The following CRHR2 variants were observed in gnomAD, a reference collection of about 807,000 sequenced individuals.
CRHR2 encodes the protein corticotropin releasing hormone receptor 2, also known as corticotropin-releasing hormone receptor 2.
CRHR2 carries 53 observed loss-of-function variants against 57.9 expected under a neutral mutation model. The observed-to-expected ratio is 0.92, with a 90% CI of 0.73 to 1.15. The LOEUF is 1.15. Ranked by LOEUF, CRHR2 falls within the 50% of genes most tolerant of loss-of-function variation. The pLI is 0.00. For synonymous variants in CRHR2, 213 were observed against 220.9 expected, an observed-to-expected ratio of 0.96 and a Z score of 0.32; for missense variants, 532 against 542.6, an observed-to-expected ratio of 0.98 and a Z score of 0.19.
At chr7:30,683,721 G>A (rs1343581221), upstream of CRHR2, among the ~76,000 whole-genome samples, 7 of 152,186 alleles carry the variant, frequency 4.6e-5, no homozygotes, top group Admixed American at 2.6e-4. Flanking sequence ...GTTATGAGAC[G>A]GAGAGTCTGG....
intron 1 of CRHR2, among the ~76,000 whole-genome samples, chr7:30,696,447 C>T (rs887684370): frequency 1.8e-4 from 27 of 152,200 alleles, no homozygotes; most frequent in Admixed American, 1.7e-3. Flanking sequence ...TAAGGCCAGG[C>T]GCGGTGGTTC....
rs180979991 is a variant in CRHR2 at position 30,656,240 on chromosome 7, T to C, written c.832-228A>G. Among the ~76,000 whole-genome samples the C allele has an allele frequency of 1.3e-5, 2 of 152,158 alleles. No individual in the cohort carries two copies. The highest frequency in any genetic ancestry group is 3.9e-4 in the East Asian group (2 of 5,138). On this transcript the variant is annotated intron_variant, in intron 8 of 11. Coordinates refer to ENST00000471646, the MANE Select transcript of CRHR2 (RefSeq NM_001883.5). This position sits in a 1 kb window ranked among gnomAD's most constrained non-coding sequence, Gnocchi z 4.4. ...AGGGCCTGTGTCTCCAGCCCAGGAC[T>C]GAGGAGGAAAGGTGGCAGCCTCTGT...
At chr7:30,673,856 C>T (rs1027760348) in intron 2 of CRHR2, among the ~76,000 whole-genome samples, 3 of 152,172 alleles carry the variant, frequency 2.0e-5, no homozygotes, top group Non-Finnish European at 4.4e-5. Flanking sequence ...TGGTGATGTT[C>T]ACCCAAGCTC....
chr7:30,659,291 C>G (rs930209191), intron 8 of CRHR2, among the ~76,000 whole-genome samples: 1 of 152,160 alleles, frequency 6.6e-6, no homozygotes, highest in Non-Finnish European at 1.5e-5. Flanking sequence ...CTCTTGCGTT[C>G]CTCGCCTCCC....
chr7:30,679,668 A>G (rs1784633224), intron 2 of CRHR2, among the ~76,000 whole-genome samples: 1 of 152,192 alleles, frequency 6.6e-6, no homozygotes, highest in African/African-American at 2.4e-5. Flanking sequence ...CTATAGCATA[A>G]CAAAATTGGG....
At chr7:30,699,837 G>A (rs1011901392) in intron 1 of CRHR2, 1 of 792,356 alleles carries the variant, frequency 1.3e-6, no homozygotes, top group Admixed American at 3.7e-5. Context: ...AAGGATCCCC[G>A]ATCCAGCCCA....
chr7:30,665,449 A>G lies in CRHR2; in HGVS notation c.425+81T>C. ...TTTTATCTGCTGGGCCCCAGAATGG[A>G]GGTGAGAATGTCTGGGAGAGGTGAA... On this transcript the variant is annotated intron_variant, in intron 4 of 11. Coordinates refer to ENST00000471646, the MANE Select transcript of CRHR2 (RefSeq NM_001883.5). This position sits in a 1 kb window ranked among gnomAD's most constrained non-coding sequence, Gnocchi z 4.5. 2.5e-6 allele frequency: 3 copies of G among 1,222,866 alleles called. No individual in the cohort carries two copies. The highest frequency in any genetic ancestry group is 3.5e-6 in the Non-Finnish European group (3 of 857,350). 75.8% of individuals were successfully genotyped at this position (1,222,866 alleles called of 1,614,324 possible).
At chr7:30,659,678 T>C (rs1443288443) in intron 8 of CRHR2, among the ~76,000 whole-genome samples, 1 of 152,118 alleles carries the variant, frequency 6.6e-6, no homozygotes, top group Non-Finnish European at 1.5e-5. Flanking sequence ...GGAGGTCAAA[T>C]GAAACCCGAA....
Position 30,682,228 on chromosome 7 carries a change from A to G in CRHR2, c.53T>C (p.Leu18Pro). 6.3e-7 allele frequency: 1 copy of G among 1,590,692 alleles called. No individual in the cohort carries two copies. Among genetic ancestry groups the G allele is most frequent in the South Asian group, 1.1e-5 (1 of 88,758 alleles). ...SLLEANCSLA[L>P]AEELLLDGWG... ...GCCGTCCAAGAGCAGCTCTTCAGCCAGCGCCAGGCTGCAGTTGGCCTCCAG... is the reference window on the plus strand; with the variant it reads ...GCCGTCCAAGAGCAGCTCTTCAGCCGGCGCCAGGCTGCAGTTGGCCTCCAG... Residue 18 changes from leucine (L) to proline (P), a missense_variant, in exon 1 of 12, where the codon CTG becomes CCG. Transcript: ENST00000471646.
At chr7:30,673,218 T>C (rs1478306593) in intron 2 of CRHR2, among the ~76,000 whole-genome samples, 2 of 152,018 alleles carry the variant, frequency 1.3e-5, no homozygotes, top group African/African-American at 4.8e-5. Context: ...TACCTACTTT[T>C]TTTTTTTTTG....
intron 2 of CRHR2, among the ~76,000 whole-genome samples, chr7:30,673,084 C>T (rs1485673628): frequency 1.3e-5 from 2 of 152,196 alleles, no homozygotes; most frequent in Non-Finnish European, 2.9e-5. Flanking sequence ...ACCTTAGGGG[C>T]CAGATATCCC....
intron 2 of CRHR2, among the ~76,000 whole-genome samples, chr7:30,688,417 G>A (rs1784896245): frequency 6.6e-6 from 1 of 152,238 alleles, no homozygotes; most frequent in East Asian, 1.9e-4. Context: ...GCCGCTGGGT[G>A]GAAGAGCTAG....
intron 1 of CRHR2, among the ~76,000 whole-genome samples, chr7:30,691,321 G>T (rs1224950130): frequency 6.6e-6 from 1 of 152,236 alleles, no homozygotes; most frequent in Non-Finnish European, 1.5e-5. Flanking sequence ...GAGGCATGCA[G>T]TGTCCACGGT....
rs1393939552 is a variant in CRHR2, at chr7:30,652,831, A to C, written c.*629T>G. The C allele has an allele frequency of 3.3e-5, 5 of 152,306 alleles. No individual in the cohort carries two copies. Among genetic ancestry groups the C allele is most frequent in the Admixed American group, 3.3e-4 (5 of 15,294 alleles). 9.4% of individuals were successfully genotyped at this position (152,306 alleles called of 1,614,324 possible). A position where few individuals can be genotyped will look rare whatever the true frequency, so the allele number is the denominator to read the frequency against. On this transcript the variant is annotated 3_prime_UTR_variant, in exon 12 of 12. Transcript: ENST00000471646. This position sits in a 1 kb window ranked among gnomAD's most constrained non-coding sequence, Gnocchi z 4.4. ...GCCTAATCTGTGGACTAGGCAGAGA[A>C]GGGGTCTCCCAAGAGAGGAAGCCAG... is the stretch of plus-strand genomic sequence containing the variant.
upstream of CRHR2, among the ~76,000 whole-genome samples, chr7:30,687,316 G>A (rs1784874664): frequency 6.6e-6 from 1 of 152,072 alleles, no homozygotes; most frequent in African/African-American, 2.4e-5. Context: ...CCCCAGAGTG[G>A]CTGCTAGGCA....
rs113968426 is a variant in CRHR2, at chr7:30,667,077, G to A, written c.315+151C>T. On this transcript the variant is annotated intron_variant, in intron 3 of 11. Coordinates refer to ENST00000471646, the MANE Select transcript of CRHR2 (RefSeq NM_001883.5). ...CTCCCCTACAGTGTCACTAAGCACA[G>A]GGCAGGACACTGGGGGCAGGGGCAG... is the stretch of plus-strand genomic sequence containing the variant. 1.6e-5 allele frequency: 11 copies of A among 669,324 alleles called. No individual in the cohort carries two copies. In the African/African-American group the frequency reaches 2.0e-4, roughly 12 times the overall value. 41.5% of individuals were successfully genotyped at this position (669,324 alleles called of 1,614,324 possible). A position where few individuals can be genotyped will look rare whatever the true frequency, so the allele number is the denominator to read the frequency against.
chr7:30,660,770 A>G (rs1783969182), intron 7 of CRHR2, 125 bp from the exon 8 acceptor site: 2 of 897,078 alleles, frequency 2.2e-6, no homozygotes, highest in Non-Finnish European at 3.4e-6. Flanking sequence ...GCCCCTTCCC[A>G]GAAAGCCTTG....
At chr7:30,686,550 C>T (rs1784861133), upstream of CRHR2, 2 of 1,517,754 alleles carry the variant, frequency 1.3e-6, no homozygotes, top group South Asian at 2.5e-5. Context: ...GGCTCACACC[C>T]ATAATCTCAG....
chr7:30,675,346 GA>G (rs774227982), intron 2 of CRHR2, among the ~76,000 whole-genome samples: 3 of 152,240 alleles, frequency 2.0e-5, no homozygotes, highest in Non-Finnish European at 2.9e-5. Context: ...CACAGGGAAG[GA>G]TGCTGGGACC....
Sources: allele counts gnomAD v4.1 joint callset (sites outside exome capture counted in the v4.1 genomes callset), GRCh38; gene constraint gnomAD v4.1.1; non-coding constraint Gnocchi (gnomAD v3.1); transcripts MANE v1.5; gene names NCBI Gene and HGNC (gene_info 2026-07-23, HGNC 2026-07-21).